The following DDX46 variants were observed in gnomAD, a reference collection of about 807,000 sequenced individuals.
DDX46 encodes the protein probable ATP-dependent RNA helicase DDX46.
In DDX46, 30 loss-of-function variants were observed where a neutral mutation model predicts 134.9. The ratio of observed to expected loss-of-function variants is 0.22; its 90% confidence interval spans 0.17 to 0.30. DDX46 has a LOEUF of 0.30. Among genes scored for constraint, DDX46 ranks in the 10% least tolerant of loss-of-function variants. The pLI is 1.00. For synonymous variants in DDX46, 415 were observed against 404.1 expected, an observed-to-expected ratio of 1.03 and a Z score of -0.32; for missense variants, 622 against 1,248.7, an observed-to-expected ratio of 0.50 and a Z score of 7.56.
intron 12 of DDX46, chr5:134,789,968 TG>T: frequency 2.6e-6 from 1 of 389,788 alleles, no homozygotes; most frequent in South Asian, 2.0e-5. Flanking sequence ...GGGTTTGACA[TG>T]CCCATTTAAG....
At chr5:134,796,431 G>A (rs965307715) in intron 15 of DDX46, among the ~76,000 whole-genome samples, 10 of 152,140 alleles carry the variant, frequency 6.6e-5, no homozygotes, top group African/African-American at 2.4e-4. Flanking sequence ...TCCATTGTAC[G>A]TGCTATCTGT....
chr5:134,778,020 CT>C (rs558645191), intron 6 of DDX46: 17,654 of 150,654 alleles, frequency 0.12, 709 homozygotes, highest in East Asian at 0.27. Context: ...CTTTGATACT[CT>C]TTTTTTTTTT....
chr5:134,809,880 G>A (rs993218663), intron 16 of DDX46, among the ~76,000 whole-genome samples: 10 of 152,158 alleles, frequency 6.6e-5, no homozygotes, highest in African/African-American at 1.7e-4. Context: ...GGGCATGGTG[G>A]CATATGCCTG....
chr5:134,798,001 G>A (rs1289562872), intron 15 of DDX46, among the ~76,000 whole-genome samples: 7 of 151,886 alleles, frequency 4.6e-5, no homozygotes, highest in Admixed American at 2.6e-4. Flanking sequence ...TAGTAGAGAC[G>A]GAGTTTCTCC....
At chr5:134,782,790 G>A (rs1442253825) in intron 8 of DDX46, among the ~76,000 whole-genome samples, 155 bp from the exon 9 acceptor site, 4 of 152,086 alleles carry the variant, frequency 2.6e-5, no homozygotes, top group Non-Finnish European at 4.4e-5. Flanking sequence ...ATCTGCCTGC[G>A]TCTGTCTCCC....
At position 134,828,597 on chromosome 5, in the gene DDX46, TTTTTTTTTTG is replaced by T. The variant is rs1755651983; in HGVS notation, c.3052-53_3052-44del. The T allele has an allele frequency of 3.1e-5, 38 of 1,225,700 alleles. No individual in the cohort carries two copies. In the South Asian group the frequency reaches 6.2e-4, roughly 20 times the overall value. The allele number at this position is 1,225,700 out of a possible 1,614,324, so 75.9% of individuals were successfully genotyped here. On this transcript the variant is annotated intron_variant, in intron 22 of 22. Transcript: ENST00000452510. Reference sequence around the variant, plus strand: ...TGTTTGGTTGGTTGGTTGGTTCGTTTTTTTTTTTTGTTTTTTTTGTTTTGCTTTCTCTGAT... The same window carrying T: ...TGTTTGGTTGGTTGGTTGGTTCGTTTTTTTTTTTGTTTTGCTTTCTCTGAT...
chr5:134,813,040 C>G (rs760818815), intron 18 of DDX46, among the ~76,000 whole-genome samples: 4 of 152,024 alleles, frequency 2.6e-5, no homozygotes, highest in Non-Finnish European at 5.9e-5. Context: ...CTCTCAGGTT[C>G]AAGTGGTTCT....
intron 14 of DDX46, 51 bp from the exon 15 acceptor site, chr5:134,795,937 G>T (rs988528514): frequency 2.6e-6 from 4 of 1,518,228 alleles, no homozygotes; most frequent in Non-Finnish European, 2.7e-6. Flanking sequence ...CTGTCCAGGG[G>T]ATCCATTTGC....
At position 134,777,629 on chromosome 5, in the gene DDX46, G is replaced by A. The variant is rs1044643025; in HGVS notation, c.669G>A (p.Glu223=). 6.2e-7 allele frequency: 1 copy of A among 1,613,504 alleles called. No individual in the cohort carries two copies. The highest frequency in any genetic ancestry group is 8.5e-7 in the Non-Finnish European group (1 of 1,179,896). The change falls in exon 6 of 23, where the codon GAG becomes GAA. Residue 223 remains glutamate (E), a synonymous_variant. Transcript: ENST00000452510. ...AEKEGNEMEG[E]ELDPLDAYME... The stretch of plus-strand genomic sequence containing the variant: ...AGGAGGGAAATGAAATGGAGGGTGA[G>A]GAGTTAGATCCATTAGATGCTTACA...
intron 15 of DDX46, among the ~76,000 whole-genome samples, chr5:134,803,824 A>G (rs1441872963): frequency 6.6e-6 from 1 of 151,602 alleles, no homozygotes; most frequent in Non-Finnish European, 1.5e-5. Context: ...CTTGTCTTTA[A>G]TACTCCTTTT....
intron 15 of DDX46, among the ~76,000 whole-genome samples, chr5:134,803,735 G>A (rs989317427): frequency 1.2e-4 from 18 of 152,082 alleles, no homozygotes; most frequent in African/African-American, 4.3e-4. Context: ...ACCTGCCGGA[G>A]GGATTGGTCC....
At chr5:134,791,275 T>C (rs1302995156) in intron 13 of DDX46, among the ~76,000 whole-genome samples, 1 of 152,248 alleles carries the variant, frequency 6.6e-6, no homozygotes, top group African/African-American at 2.4e-5. Flanking sequence ...TCCTTATATA[T>C]GCTCTTTGCT....
chr5:134,808,305 A>G (rs1755047992), intron 16 of DDX46, among the ~76,000 whole-genome samples: 1 of 152,208 alleles, frequency 6.6e-6, no homozygotes, highest in African/African-American at 2.4e-5. Context: ...CGTACTAAAC[A>G]TCATAGTAGC....
At chr5:134,803,449 C>T (rs1754891060) in intron 15 of DDX46, among the ~76,000 whole-genome samples, 1 of 152,184 alleles carries the variant, frequency 6.6e-6, no homozygotes. Context: ...CTCTGTTTCC[C>T]AGTCCTGAGT....
chr5:134,825,844 A>G (rs1332229348), intron 21 of DDX46: 1 of 152,142 alleles, frequency 6.6e-6, no homozygotes, highest in Admixed American at 6.5e-5. Context: ...TGAGCACCTC[A>G]ACTACAGCAA....
rs769596362 is a variant in DDX46, at chr5:134,789,950, CT to C, written c.1544-519del. ...ATTTCCTAATGCTGTCAAATAGCTT[CT>C]CATTAAGGGTTTGACATGCCCATTT... On this transcript the variant is annotated intron_variant, in intron 12 of 22. Transcript: ENST00000452510. Among the ~76,000 whole-genome samples, 123 of 152,264 alleles carry C rather than the reference CT, an allele frequency of 8.1e-4. 2 individuals carry two copies. Among genetic ancestry groups the C allele is most frequent in the Non-Finnish European group, 1.7e-3 (114 of 68,014 alleles).
In DDX46 at chr5:134,794,994, T is replaced by C. The variant is rs368877890; in HGVS notation, c.1771T>C (p.Ser591Pro). ...VQVGGRSVVC[S>P]DVEQQVIVIE... ...AGTTGGAGGCAGGAGTGTGGTTTGC[T>C]CAGATGTGGAGCAACAAGTGGTGGG... The change falls in exon 14 of 23, where the codon TCA (serine) becomes CCA (proline). Residue 591 changes from serine to proline, a missense_variant. Transcript: ENST00000452510. 5.0e-6 allele frequency: 8 copies of C among 1,614,000 alleles called. No homozygotes were observed. In the African/African-American group the frequency reaches 8.0e-5, roughly 16 times the overall value.
intron 10 of DDX46, chr5:134,784,776 G>A: frequency 3.9e-6 from 1 of 253,482 alleles, no homozygotes; most frequent in Middle Eastern, 1.3e-3. Flanking sequence ...GCACAGCTCA[G>A]TTTTTAAACT....
At position 134,799,831 on chromosome 5, in the gene DDX46, G is replaced by A. The variant is rs114144258; in HGVS notation, c.1954+3681G>A. 2.4e-3 allele frequency among the ~76,000 whole-genome samples: 362 copies of A among 151,930 alleles called. 1 individual carries two copies. The highest frequency in any genetic ancestry group is 4.3e-3 in the Non-Finnish European group (295 of 67,986). ...AGACTGAGGTGGAAGGATTGCTTGA[G>A]TCTAGGAGTTCGAGGCCAGTCTGGG... On this transcript the variant is annotated intron_variant, in intron 15 of 22. Transcript: ENST00000452510.
Sources: gnomAD v4.1 joint callset for allele counts (sites outside exome capture counted in the v4.1 genomes callset) on GRCh38, gnomAD v4.1.1 for gene constraint, MANE v1.5 for transcripts, NCBI Gene and HGNC (gene_info 2026-07-23, HGNC 2026-07-21) for gene names.